Variants in DCLK1 observed in about 807,000 individuals in gnomAD.
DCLK1 encodes serine/threonine-protein kinase DCLK1.
Under a neutral mutation model 86.2 loss-of-function variants are expected in DCLK1, and 16 were observed. The ratio of observed to expected loss-of-function variants is 0.19; its 90% CI spans 0.13 to 0.28. DCLK1 has a LOEUF of 0.28. Ranked by LOEUF, DCLK1 falls within the 10% of genes least tolerant of loss-of-function variation. DCLK1 has a pLI of 1.00. For synonymous variants in DCLK1, 369 were observed against 370.5 expected, an observed-to-expected ratio of 1.00 and a Z score of 0.05; for missense variants, 590 against 940.2, an observed-to-expected ratio of 0.63 and a Z score of 4.87.
chr13:35,947,284 A>G, intron 4 of DCLK1, 74 bp downstream of exon 4: 1 of 1,155,646 alleles, frequency 8.7e-7, no homozygotes, highest in Non-Finnish European at 1.3e-6. Context: ...AGTTGACATA[A>G]TCTTGGCCTG....
intron 8 of DCLK1, among the ~76,000 whole-genome samples, chr13:35,829,570 AG>A (rs1868778580): frequency 6.6e-6 from 1 of 152,210 alleles, no homozygotes; most frequent in South Asian, 2.1e-4. Context: ...TCAAGAGACC[AG>A]GCGTTAATGT....
intron 3 of DCLK1, among the ~76,000 whole-genome samples, chr13:36,037,384 G>A (rs1351939061): frequency 6.6e-6 from 1 of 152,048 alleles, no homozygotes; most frequent in Non-Finnish European, 1.5e-5. Context: ...AAAAATAGAA[G>A]AGAATTTTTC....
chr13:36,074,377 T>C (rs1252787570), intron 3 of DCLK1, among the ~76,000 whole-genome samples: 2 of 149,230 alleles, frequency 1.3e-5, no homozygotes, highest in Admixed American at 1.4e-4. Flanking sequence ...TAGTCCCAGC[T>C]ACTCAGGAGG....
intron 8 of DCLK1, among the ~76,000 whole-genome samples, chr13:35,835,315 T>G (rs1345532300): frequency 6.6e-6 from 1 of 152,164 alleles, no homozygotes; most frequent in Admixed American, 6.5e-5. Flanking sequence ...CTTTGCAGTA[T>G]TCTGCCCACC....
intron 4 of DCLK1, among the ~76,000 whole-genome samples, chr13:35,942,297 G>A (rs1287090121): frequency 6.6e-6 from 1 of 152,090 alleles, no homozygotes; most frequent in Non-Finnish European, 1.5e-5. Context: ...CTCCCGAGTA[G>A]CTGGGACTAC....
intron 3 of DCLK1, among the ~76,000 whole-genome samples, chr13:36,087,414 A>C (rs148644647): frequency 6.6e-6 from 1 of 152,216 alleles, no homozygotes; most frequent in South Asian, 2.1e-4. Context: ...AAACCCTTGC[A>C]AAGGAGTCTG....
chr13:35,945,653 T>A (rs1355362674), intron 4 of DCLK1, among the ~76,000 whole-genome samples: 1 of 152,202 alleles, frequency 6.6e-6, no homozygotes, highest in African/African-American at 2.4e-5. Context: ...TAGGGCAGTT[T>A]ATTTTTCTCA....
At chr13:35,807,953 G>A (rs1450863769) in intron 14 of DCLK1, among the ~76,000 whole-genome samples, 1 of 152,200 alleles carries the variant, frequency 6.6e-6, no homozygotes, top group Non-Finnish European at 1.5e-5. Context: ...GGCGAGGGTG[G>A]GGCACAGCAA....
chr13:35,810,496 T>C (rs757549235), intron 12 of DCLK1, among the ~76,000 whole-genome samples: 2 of 152,192 alleles, frequency 1.3e-5, no homozygotes, highest in Non-Finnish European at 2.9e-5. Flanking sequence ...CACACGGCAG[T>C]GTCTGTTTCT....
chr13:35,801,895 A>T (rs2086927092), intron 15 of DCLK1, among the ~76,000 whole-genome samples: 1 of 152,166 alleles, frequency 6.6e-6, no homozygotes, highest in Non-Finnish European at 1.5e-5. Flanking sequence ...CCTCATGTAT[A>T]TAAACAAATT....
intron 4 of DCLK1, among the ~76,000 whole-genome samples, chr13:35,903,565 G>C (rs888289269): frequency 6.6e-6 from 1 of 151,948 alleles, no homozygotes; most frequent in African/African-American, 2.4e-5. Context: ...GTCAACCAGA[G>C]AGCCTTTAAT....
chr13:36,060,610 T>A (rs1215200032), intron 3 of DCLK1, among the ~76,000 whole-genome samples: 1 of 152,174 alleles, frequency 6.6e-6, no homozygotes, highest in Admixed American at 6.5e-5. Flanking sequence ...TCTTGCTGCA[T>A]CATACTTCAG....
intron 3 of DCLK1, among the ~76,000 whole-genome samples, chr13:36,095,960 C>A (rs553604016): frequency 7.9e-5 from 12 of 152,252 alleles, no homozygotes; most frequent in African/African-American, 2.9e-4. Flanking sequence ...AATAAACAAA[C>A]TAAATCACTA....
At chr13:35,819,877 A>G (rs1214916290) in intron 11 of DCLK1, among the ~76,000 whole-genome samples, 1 of 152,216 alleles carries the variant, frequency 6.6e-6, no homozygotes, top group African/African-American at 2.4e-5. Flanking sequence ...AATTACAAAG[A>G]AAGGGGAAAT....
intron 3 of DCLK1, among the ~76,000 whole-genome samples, chr13:36,023,263 G>A (rs184709244): frequency 5.9e-5 from 9 of 152,302 alleles, no homozygotes; most frequent in Admixed American, 2.0e-4. Flanking sequence ...AGACTGGCAC[G>A]TTCAAATCTG....
rs1394857472 is a variant in DCLK1 at position 36,120,490 on chromosome 13, T to G, written c.376+5272A>C. ...AATAGGCTATACCATATAGCCTAGGTGTGGAGGAGGCTACACCATCTATGT... is the reference window on the plus strand; with the variant it reads ...AATAGGCTATACCATATAGCCTAGGGGTGGAGGAGGCTACACCATCTATGT... On this transcript the variant is annotated intron_variant, in intron 2 of 16. Coordinates refer to ENST00000360631, the MANE Select transcript of DCLK1 (RefSeq NM_001330071.2). Among the ~76,000 whole-genome samples the G allele has an allele frequency of 4.6e-5, 7 of 152,246 alleles. No homozygotes were observed. In the East Asian group the frequency reaches 1.4e-3, roughly 29 times the overall value.
chr13:36,056,530 T>C (rs2153158224), intron 3 of DCLK1, among the ~76,000 whole-genome samples: 2 of 128,666 alleles, frequency 1.6e-5, no homozygotes, highest in East Asian at 4.9e-4. Context: ...GATGAGTTAG[T>C]GGGTGCAGCG....
chr13:35,797,689 A>G (rs1373105686), intron 15 of DCLK1, among the ~76,000 whole-genome samples: 1 of 152,108 alleles, frequency 6.6e-6, no homozygotes, highest in Non-Finnish European at 1.5e-5. Context: ...ACACCCCATG[A>G]CAATGAAAAA....
chr13:35,810,965 A>C lies in DCLK1; in HGVS notation c.1558T>G (p.Tyr520Asp). 6.2e-7 allele frequency: 1 copy of C among 1,613,400 alleles called. No homozygotes were observed. The highest frequency in any genetic ancestry group is 1.1e-5 in the South Asian group (1 of 90,790). ...RDIKPENLLV[Y>D]EHQDGSKSLK... ...GATTTGCTGCCATCTTGGTGCTCAT[A>C]CACCTAAAACAAAGGTAAAAATCAC... The change falls in exon 12 of 17, where the codon TAT becomes GAT. Residue 520 changes from tyrosine to aspartate, a missense_variant. Physicochemically the swap from Tyr to Asp is radical, Grantham distance 160 (BLOSUM62 -3). Around this residue, in one of 6 missense-constraint regions of DCLK1, gnomAD observed 108 missense variants for 195.7 expected, o/e 0.55. Transcript: ENST00000360631.
Sources: gnomAD v4.1 joint callset for allele counts (sites outside exome capture counted in the v4.1 genomes callset) on GRCh38, gnomAD v4.1.1 for gene constraint, gnomAD v4.1.1 regional missense constraint, MANE v1.5 for transcripts, NCBI Gene and HGNC (gene_info 2026-07-23, HGNC 2026-07-21) for gene names.